Variants in KCNIP1 observed in about 807,000 individuals in gnomAD.
The protein encoded by KCNIP1 is A-type potassium channel modulatory protein KCNIP1.
KCNIP1 carries 18 observed loss-of-function variants against 33.0 expected under a neutral mutation model. The observed-to-expected ratio is 0.55, with a 90% CI of 0.38 to 0.81. The LOEUF (loss-of-function observed/expected upper bound fraction) is 0.81, where lower values mean the gene tolerates loss of function less well. KCNIP1 is among the 30% of genes least tolerant of loss of function. KCNIP1 has a pLI of 0.00. For synonymous variants in KCNIP1, 93 were observed against 98.3 expected (o/e 0.95, Z 0.32); for missense variants, 238 against 271.6 (o/e 0.88, Z 0.87).
intron 1 of KCNIP1, among the ~76,000 whole-genome samples, chr5:170,599,221 A>G (rs1430314741): frequency 6.6e-6 from 1 of 152,078 alleles, no homozygotes; most frequent in Non-Finnish European, 1.5e-5. Flanking sequence ...ATGAGCTAAA[A>G]CAAACTACTA....
intron 1 of KCNIP1, among the ~76,000 whole-genome samples, chr5:170,358,790 G>A (rs1408089058): frequency 6.6e-6 from 1 of 152,196 alleles, no homozygotes; most frequent in East Asian, 1.9e-4. Context: ...AGCAGGTAAG[G>A]AAACTGGGGT....
Position 170,622,481 on chromosome 5 carries a change from G to A in KCNIP1, c.62-96277G>A, listed in dbSNP as rs1016079556. 2.6e-5 allele frequency among the ~76,000 whole-genome samples: 4 copies of A among 152,060 alleles called. No individual in the cohort carries two copies. The South Asian group carries it at 8.3e-4, about 31-fold the overall frequency. On this transcript the variant is annotated intron_variant, in intron 1 of 7. Transcript: ENST00000328939. ...TACTAAAAATACAAAAATTAGCTGG[G>A]TGTGGTGGTGAGCACCCATAATCCC...
intron 1 of KCNIP1, among the ~76,000 whole-genome samples, chr5:170,363,477 T>A (rs569672125): frequency 6.6e-6 from 1 of 152,178 alleles, no homozygotes; most frequent in South Asian, 2.1e-4. Flanking sequence ...GGAAAAGCCA[T>A]GTGAGGGCAA....
At chr5:170,571,912 G>A (rs1470871378) in intron 1 of KCNIP1, among the ~76,000 whole-genome samples, 1 of 152,144 alleles carries the variant, frequency 6.6e-6, no homozygotes, top group Non-Finnish European at 1.5e-5. Flanking sequence ...CTTGAAAAAT[G>A]CATCCCTCCT....
At chr5:170,595,954 G>C (rs761328677) in intron 1 of KCNIP1, among the ~76,000 whole-genome samples, 9 of 152,136 alleles carry the variant, frequency 5.9e-5, no homozygotes, top group Admixed American at 6.5e-5. Flanking sequence ...TCAGTGTCTC[G>C]GGTGGTGAGC....
intron 1 of KCNIP1, among the ~76,000 whole-genome samples, chr5:170,446,414 C>CA (rs11341637): frequency 5.4e-5 from 8 of 148,614 alleles, no homozygotes; most frequent in Admixed American, 5.4e-4. Flanking sequence ...ACCTTGCTGA[C>CA]AAAAAAAAAA....
chr5:170,680,706 G>T lies in KCNIP1; in HGVS notation c.62-38052G>T, dbSNP rs1049179586. On this transcript the variant is annotated intron_variant, in intron 1 of 7. Coordinates refer to ENST00000328939, the MANE Select transcript of KCNIP1 (RefSeq NM_014592.4). Reference sequence around the variant, plus strand: ...GGCTCTTTCTGTATGTCTTTCAAATGGTCTACACTGACACACGTTTTCTCT... The same window carrying T: ...GGCTCTTTCTGTATGTCTTTCAAATTGTCTACACTGACACACGTTTTCTCT... The T allele has an allele frequency of 1.2e-4, 20 of 172,474 alleles. No homozygotes were observed. The East Asian group carries it at 3.0e-3, about 26-fold the overall frequency. The allele number at this position is 172,474 out of a possible 1,614,324, so 10.7% of individuals were successfully genotyped here. A position where few individuals can be genotyped will look rare whatever the true frequency, so the allele number is the denominator to read the frequency against.
intron 1 of KCNIP1, among the ~76,000 whole-genome samples, chr5:170,543,450 G>A (rs1314638139): frequency 6.6e-6 from 1 of 152,262 alleles, no homozygotes; most frequent in Non-Finnish European, 1.5e-5. Context: ...ACAAAATGTA[G>A]GTTTTAGTGT....
intron 1 of KCNIP1, among the ~76,000 whole-genome samples, chr5:170,549,494 T>C (rs190599616): frequency 9.2e-5 from 14 of 152,310 alleles, no homozygotes. Flanking sequence ...ATGCAACTAA[T>C]TGATAAAATT....
intron 1 of KCNIP1, among the ~76,000 whole-genome samples, chr5:170,516,971 ATGG>A (rs1755149926): frequency 1.3e-5 from 2 of 152,110 alleles, no homozygotes; most frequent in East Asian, 3.9e-4. Flanking sequence ...GATGTTTGTG[ATGG>A]TGGTGTGATG....
intron 4 of KCNIP1, among the ~76,000 whole-genome samples, 170 bp downstream of exon 4, chr5:170,722,073 C>G (rs1357217429): frequency 6.6e-6 from 1 of 152,196 alleles, no homozygotes; most frequent in African/African-American, 2.4e-5. Flanking sequence ...GCAGCAGCAA[C>G]TTTCCCTGGC....
At chr5:170,597,821 A>G (rs993947684) in intron 1 of KCNIP1, among the ~76,000 whole-genome samples, 8 of 113,358 alleles carry the variant, frequency 7.1e-5, no homozygotes, top group Non-Finnish European at 1.6e-4. Context: ...ATATATATAT[A>G]TATATATATG....
chr5:170,552,341 T>A (rs918236829), intron 1 of KCNIP1, among the ~76,000 whole-genome samples: 2 of 152,200 alleles, frequency 1.3e-5, no homozygotes, highest in African/African-American at 2.4e-5. Context: ...TGCGTTTTCA[T>A]GGAATTCATG....
chr5:170,358,767 C>T (rs1199967947), intron 1 of KCNIP1, among the ~76,000 whole-genome samples: 4 of 152,166 alleles, frequency 2.6e-5, no homozygotes, highest in Non-Finnish European at 5.9e-5. Flanking sequence ...GTAGGGATTG[C>T]AATCACCATT....
chr5:170,687,391 A>G (rs1448623379), intron 1 of KCNIP1, among the ~76,000 whole-genome samples: 1 of 152,140 alleles, frequency 6.6e-6, no homozygotes, highest in Non-Finnish European at 1.5e-5. Flanking sequence ...CATACTGGCC[A>G]GGCTGGTCTC....
intron 1 of KCNIP1, among the ~76,000 whole-genome samples, chr5:170,662,941 C>T (rs1181741865): frequency 6.6e-6 from 1 of 152,198 alleles, no homozygotes; most frequent in African/African-American, 2.4e-5. Context: ...GCAAAGTCTT[C>T]CTTAAAACTC....
chr5:170,601,808 G>A (rs537845049), intron 1 of KCNIP1, among the ~76,000 whole-genome samples: 32 of 152,344 alleles, frequency 2.1e-4, no homozygotes, highest in African/African-American at 7.0e-4. Context: ...AGCATGGTAA[G>A]GGACTGGCGG....
Position 170,593,222 on chromosome 5 carries a change from G to C in KCNIP1, c.61+88589G>C, listed in dbSNP as rs115958608. 7.2e-3 allele frequency among the ~76,000 whole-genome samples: 1,093 copies of C among 152,304 alleles called. 11 individuals are homozygous for C. The highest frequency in any genetic ancestry group is 0.025 in the African/African-American group (1,052 of 41,560). On this transcript the variant is annotated intron_variant, in intron 1 of 7. Coordinates refer to ENST00000328939, the MANE Select transcript of KCNIP1 (RefSeq NM_014592.4). ...GTCAGGTGGCCTGATCCACAGGTGGGTGGGAGAGACAACAGAGACAGTCTT... is the reference window on the plus strand; with the variant it reads ...GTCAGGTGGCCTGATCCACAGGTGGCTGGGAGAGACAACAGAGACAGTCTT...
intron 1 of KCNIP1, among the ~76,000 whole-genome samples, chr5:170,406,235 G>A (rs775630356): frequency 4.6e-5 from 7 of 152,178 alleles, no homozygotes; most frequent in Non-Finnish European, 4.4e-5. Flanking sequence ...TTGGGGGTAC[G>A]TTTATGGAAA....
Sources: allele counts gnomAD v4.1 joint callset (sites outside exome capture counted in the v4.1 genomes callset), GRCh38; gene constraint gnomAD v4.1.1; transcripts MANE v1.5; gene names NCBI Gene and HGNC (gene_info 2026-07-23, HGNC 2026-07-21).